CACNG2: variants seen among roughly 807,000 people sequenced by gnomAD.
CACNG2 encodes the protein voltage-dependent calcium channel gamma-2 subunit.
In CACNG2, 3 loss-of-function variants were observed where a neutral mutation model predicts 25.9. The observed-to-expected ratio is 0.12, with a 90% CI of 0.05 to 0.30. The LOEUF is 0.30. CACNG2 is among the 10% of genes least tolerant of loss of function. CACNG2 has a pLI of 1.00. For synonymous variants in CACNG2, 167 were observed against 173.3 expected (o/e 0.96, Z 0.29); for missense variants, 341 against 432.5 (o/e 0.79, Z 1.88).
At chr22:36,639,946 T>G (rs1448863016) in intron 1 of CACNG2, among the ~76,000 whole-genome samples, 1 of 152,138 alleles carries the variant, frequency 6.6e-6, no homozygotes, top group African/African-American at 2.4e-5. Context: ...AGGGACACTC[T>G]CCAGTGTCTC....
chr22:36,602,177 C>T (rs1468484977), intron 1 of CACNG2, among the ~76,000 whole-genome samples: 3 of 152,052 alleles, frequency 2.0e-5, no homozygotes, highest in African/African-American at 4.8e-5. Flanking sequence ...TATACATTTT[C>T]TTGCTATTGA....
intron 1 of CACNG2, among the ~76,000 whole-genome samples, chr22:36,603,733 T>C (rs1446296587): frequency 1.3e-5 from 2 of 152,212 alleles, no homozygotes; most frequent in Non-Finnish European, 2.9e-5. Context: ...ATTTATGGGA[T>C]GGTTTACTGA....
At chr22:36,625,862 GGCATGAAAAATTTA>G (rs1323176018) in intron 1 of CACNG2, among the ~76,000 whole-genome samples, 1 of 152,176 alleles carries the variant, frequency 6.6e-6, no homozygotes, top group Non-Finnish European at 1.5e-5. Context: ...TAAAGGCACA[GGCATGAAAAATTTA>G]GCAGATTGAG....
chr22:36,663,556 G>A (rs566470967), intron 1 of CACNG2, among the ~76,000 whole-genome samples: 3 of 151,954 alleles, frequency 2.0e-5, no homozygotes, highest in Admixed American at 6.5e-5. Flanking sequence ...ATAGAAAAAC[G>A]ACTCTTTCCC....
At chr22:36,668,943 G>A (rs533118488) in intron 1 of CACNG2, among the ~76,000 whole-genome samples, 1 of 152,292 alleles carries the variant, frequency 6.6e-6, no homozygotes, top group Admixed American at 6.5e-5. Flanking sequence ...TGGGCCATCA[G>A]TGGATTGGAT....
chr22:36,566,646 C>T (rs566750025), intron 2 of CACNG2, among the ~76,000 whole-genome samples, 153 bp from the exon 3 acceptor site: 1 of 152,162 alleles, frequency 6.6e-6, no homozygotes, highest in South Asian at 2.1e-4. Context: ...GAGGGAGAGA[C>T]AGCGAGCAGG....
At position 36,564,381 on chromosome 22, in the gene CACNG2, G is replaced by T; in HGVS notation, c.942C>A (p.Asn314Lys). 6.2e-7 allele frequency: 1 copy of T among 1,614,040 alleles called. No individual in the cohort carries two copies. The highest frequency in any genetic ancestry group is 8.5e-7 in the Non-Finnish European group (1 of 1,179,932). ...QKENKDSLHS[N>K]TANRRTTPV The stretch of plus-strand genomic sequence containing the variant: ...CGGGGGTGGTCCGGCGGTTGGCTGT[G>T]TTGGAGTGGAGAGAGTCCTTGTTCT... Residue 314 changes from asparagine to lysine, a missense_variant, in exon 4 of 4, where the codon AAC (asparagine) becomes AAA (lysine). By Grantham distance (94) the Asn-to-Lys change is moderately conservative (BLOSUM62 0). Transcript: ENST00000300105. This position sits in a 1 kb window ranked among gnomAD's most constrained non-coding sequence, Gnocchi z 6.7.
intron 1 of CACNG2, among the ~76,000 whole-genome samples, chr22:36,617,644 A>G (rs1603501755): frequency 6.8e-6 from 1 of 147,324 alleles, no homozygotes; most frequent in African/African-American, 2.5e-5. Flanking sequence ...TAGGCAGTCA[A>G]TAAAACATCA....
At chr22:36,584,090 C>G (rs35686663) in intron 2 of CACNG2, among the ~76,000 whole-genome samples, 1 of 152,078 alleles carries the variant, frequency 6.6e-6, no homozygotes, top group African/African-American at 2.4e-5. Flanking sequence ...AGTGACATGC[C>G]CTCAGGACCC....
intron 1 of CACNG2, among the ~76,000 whole-genome samples, chr22:36,596,895 C>A (rs1935686317): frequency 6.6e-6 from 1 of 151,812 alleles, no homozygotes; most frequent in South Asian, 2.1e-4. Flanking sequence ...GTAGCTGTGA[C>A]TACAGGCATG....
At chr22:36,590,658 C>A (rs1023482566) in intron 1 of CACNG2, among the ~76,000 whole-genome samples, 1 of 152,204 alleles carries the variant, frequency 6.6e-6, no homozygotes, top group South Asian at 2.1e-4. Context: ...TTTGCACCCA[C>A]TCTTATCCTT....
intron 1 of CACNG2, among the ~76,000 whole-genome samples, chr22:36,593,585 G>A (rs1935629371): frequency 6.6e-6 from 1 of 152,140 alleles, no homozygotes; most frequent in Admixed American, 6.5e-5. Flanking sequence ...ACAGAATGGG[G>A]GGATTCTGCT....
intron 1 of CACNG2, among the ~76,000 whole-genome samples, chr22:36,670,513 G>A (rs1936933374): frequency 6.6e-6 from 1 of 152,196 alleles, no homozygotes; most frequent in Non-Finnish European, 1.5e-5. Context: ...AGCTTTTGTG[G>A]TAGGCTTTAC....
At chr22:36,686,411 C>T (rs1937198871) in intron 1 of CACNG2, among the ~76,000 whole-genome samples, 1 of 152,130 alleles carries the variant, frequency 6.6e-6, no homozygotes, top group African/African-American at 2.4e-5. Context: ...GCGGAAGGGC[C>T]CTTGGATTTG....
At position 36,561,429 on chromosome 22, in the gene CACNG2, T is replaced by A. The variant is rs957998361; in HGVS notation, c.*2922A>T. On this transcript the variant is annotated 3_prime_UTR_variant, in exon 4 of 4. Coordinates refer to ENST00000300105, the MANE Select transcript of CACNG2 (RefSeq NM_006078.5). ...CAACTTGGTTGTTGTTACCACACCT[T>A]GAATTGTCTCCCATTGTTCTGCCCC... 1.3e-5 allele frequency: 2 copies of A among 152,312 alleles called. No individual in the cohort carries two copies. The highest frequency in any genetic ancestry group is 2.9e-5 in the Non-Finnish European group (2 of 68,120). The allele number at this position is 152,312 out of a possible 1,614,324, so 9.4% of individuals were successfully genotyped here.
intron 1 of CACNG2, among the ~76,000 whole-genome samples, chr22:36,681,578 T>C (rs149108756): frequency 9.5e-4 from 144 of 152,308 alleles, no homozygotes; most frequent in Non-Finnish European, 1.8e-3. Flanking sequence ...TCCAAATATA[T>C]TTTTGGGTTA....
intron 1 of CACNG2, among the ~76,000 whole-genome samples, chr22:36,589,078 A>G (rs996189588): frequency 2.0e-5 from 3 of 147,774 alleles, no homozygotes; most frequent in Non-Finnish European, 4.5e-5. Flanking sequence ...GCAACCTCCA[A>G]CTCCCAAGTT....
intron 1 of CACNG2, among the ~76,000 whole-genome samples, chr22:36,681,272 G>A (rs1196791893): frequency 6.6e-6 from 1 of 152,168 alleles, no homozygotes; most frequent in African/African-American, 2.4e-5. Context: ...AGAATATAGA[G>A]AATGCTTCCA....
chr22:36,678,618 C>T (rs566240753), intron 1 of CACNG2, among the ~76,000 whole-genome samples: 5 of 150,258 alleles, frequency 3.3e-5, no homozygotes, highest in South Asian at 2.1e-4. Flanking sequence ...CCAGCACATG[C>T]GATAACATTC....
Sources: gnomAD v4.1 joint callset for allele counts (sites outside exome capture counted in the v4.1 genomes callset) on GRCh38, gnomAD v4.1.1 for gene constraint, Gnocchi (gnomAD v3.1) non-coding constraint, MANE v1.5 for transcripts, NCBI Gene and HGNC (gene_info 2026-07-23, HGNC 2026-07-21) for gene names.